HMHB1: variants seen among roughly 807,000 people sequenced by gnomAD.
The protein encoded by HMHB1 is minor histocompatibility protein HB-1.
In HMHB1, 4 loss-of-function variants were observed where a neutral mutation model predicts 2.4. The observed-to-expected ratio is 1.65, with a 90% CI of 0.81 to 3.77. HMHB1 has a LOEUF of 3.77. Among genes scored for constraint, HMHB1 ranks in the 30% most tolerant of loss-of-function variants. The pLI, the probability that HMHB1 is intolerant of heterozygous loss-of-function variation, is 0.01. For missense variants in HMHB1, 57 were observed against 44.2 expected, an observed-to-expected ratio of 1.29 and a Z score of -0.82; for synonymous variants, 22 against 17.6, an observed-to-expected ratio of 1.25 and a Z score of -0.63.
chr5:143,814,080 T>C (rs546339663), intron 1 of HMHB1, among the ~76,000 whole-genome samples: 8 of 152,340 alleles, frequency 5.3e-5, no homozygotes, highest in African/African-American at 1.9e-4. Context: ...ATTTTCCTCA[T>C]CTATCCTTGT....
chr5:143,816,459 GT>G (rs1033937344), intron 1 of HMHB1, among the ~76,000 whole-genome samples: 4 of 152,058 alleles, frequency 2.6e-5, no homozygotes, highest in African/African-American at 7.2e-5. Flanking sequence ...ATGATATTTG[GT>G]TTTCCATTCC....
chr5:143,813,521 C>G (rs1759715152), intron 1 of HMHB1, among the ~76,000 whole-genome samples: 1 of 152,180 alleles, frequency 6.6e-6, no homozygotes, highest in African/African-American at 2.4e-5. Flanking sequence ...GTTAGCTGAA[C>G]TGAAAAGTAA....
chr5:143,816,661 A>G (rs915157799), intron 1 of HMHB1, among the ~76,000 whole-genome samples: 20 of 152,200 alleles, frequency 1.3e-4, no homozygotes, highest in Non-Finnish European at 1.9e-4. Flanking sequence ...GCTGCTATAA[A>G]CATGTGTGTG....
intron 1 of HMHB1, among the ~76,000 whole-genome samples, chr5:143,814,660 A>G (rs1759728767): frequency 1.3e-5 from 2 of 152,210 alleles, no homozygotes; most frequent in Non-Finnish European, 1.5e-5. Flanking sequence ...GTAATCTTCA[A>G]TCGTCTCTAA....
intron 1 of HMHB1, among the ~76,000 whole-genome samples, chr5:143,815,700 GT>G (rs1759739856): frequency 7.9e-6 from 1 of 126,892 alleles, no homozygotes; most frequent in East Asian, 2.2e-4. Context: ...GCTAATTTTT[GT>G]ATTTTTTTTT....
At chr5:143,812,443 G>A (rs1262077803) in intron 1 of HMHB1, 139 bp downstream of exon 1, 6 of 767,732 alleles carry the variant, frequency 7.8e-6, no homozygotes, top group East Asian at 5.5e-5. Flanking sequence ...GCAGGGGAGA[G>A]GAGTGAGACG....
At position 143,820,502 on chromosome 5, in the gene HMHB1, G is replaced by C; in HGVS notation, c.60G>C (p.Ser20=). The C allele has an allele frequency of 6.2e-7, 1 of 1,612,106 alleles. No homozygotes were observed. Among genetic ancestry groups the C allele is most frequent in the Non-Finnish European group, 8.5e-7 (1 of 1,178,472 alleles). Residue 20 remains serine, a synonymous_variant, in exon 2 of 2, where the codon TCG becomes TCC. Coordinates refer to ENST00000289448, the MANE Select transcript of HMHB1 (RefSeq NM_021182.3). ...TAGGTTCTCTGCATGTTTGGAAGTC[G>C]GAATTGGTTGAAGTTGAAGATGATG... is the stretch of plus-strand genomic sequence containing the variant.
intron 1 of HMHB1, among the ~76,000 whole-genome samples, chr5:143,815,620 C>T (rs1399602290): frequency 6.6e-6 from 1 of 151,242 alleles, no homozygotes; most frequent in East Asian, 1.9e-4. Context: ...CTCCACATTT[C>T]GGGTTCAAGT....
At chr5:143,820,428 A>G (rs1466687600) in intron 1 of HMHB1, 52 bp from the exon 2 acceptor site, 16 of 1,021,984 alleles carry the variant, frequency 1.6e-5, no homozygotes, top group Middle Eastern at 2.0e-4. Flanking sequence ...AATAGAAAAT[A>G]CTGCTGAGAA....
chr5:143,819,682 A>G (rs965287912), intron 1 of HMHB1, among the ~76,000 whole-genome samples: 1 of 151,938 alleles, frequency 6.6e-6, no homozygotes, highest in Non-Finnish European at 1.5e-5. Flanking sequence ...CACAATGGCA[A>G]TACCCCATGT....
At position 143,820,586 on chromosome 5, in the gene HMHB1, G is replaced by T; in HGVS notation, c.*18G>T. 1 of 1,551,942 alleles carries T rather than the reference G, an allele frequency of 6.4e-7. No individual in the cohort carries two copies. Among genetic ancestry groups the T allele is most frequent in the South Asian group, 1.1e-5 (1 of 89,420 alleles). On this transcript the variant is annotated 3_prime_UTR_variant, in exon 2 of 2. Transcript: ENST00000289448. ...GGCTTTGACACTGCTGTTGAGGTTT[G>T]ACTCGAAGCCCAGAGTTTTGGTGTG...
intron 1 of HMHB1, among the ~76,000 whole-genome samples, chr5:143,818,725 T>G (rs1395458060): frequency 6.6e-6 from 1 of 152,216 alleles, no homozygotes; most frequent in Non-Finnish European, 1.5e-5. Flanking sequence ...ATTTTTAAAG[T>G]GTTTAGCCAG....
At chr5:143,816,936 G>A (rs1434352808) in intron 1 of HMHB1, among the ~76,000 whole-genome samples, 1 of 152,146 alleles carries the variant, frequency 6.6e-6, no homozygotes, top group Non-Finnish European at 1.5e-5. Context: ...GTTTTGATTT[G>A]CATTTCCTTG....
intron 1 of HMHB1, among the ~76,000 whole-genome samples, chr5:143,818,351 A>G (rs760674826): frequency 4.9e-4 from 74 of 152,218 alleles, no homozygotes; most frequent in Non-Finnish European, 5.3e-4. Context: ...ATCAAAGCTT[A>G]GATCTAACTC....
chr5:143,816,591 A>G (rs1759752196), intron 1 of HMHB1, among the ~76,000 whole-genome samples: 1 of 152,148 alleles, frequency 6.6e-6, no homozygotes, highest in Non-Finnish European at 1.5e-5. Flanking sequence ...CAGTTTCTTT[A>G]TCCACTCATT....
intron 1 of HMHB1, among the ~76,000 whole-genome samples, chr5:143,817,809 C>T (rs1023632062): frequency 1.3e-5 from 2 of 152,082 alleles, no homozygotes; most frequent in African/African-American, 4.8e-5. Flanking sequence ...TGGTCATTTT[C>T]ACAATATTGA....
intron 1 of HMHB1, among the ~76,000 whole-genome samples, chr5:143,818,389 TG>T (rs1292159810): frequency 1.3e-5 from 2 of 152,212 alleles, no homozygotes; most frequent in Non-Finnish European, 2.9e-5. Flanking sequence ...CTCAAAGTAC[TG>T]GATAAAGAAA....
At chr5:143,818,209 C>A (rs371682603) in intron 1 of HMHB1, among the ~76,000 whole-genome samples, 159 of 152,266 alleles carry the variant, frequency 1.0e-3, no homozygotes, top group African/African-American at 3.7e-3. Context: ...AGAAGCATAA[C>A]AAAGTGGTAA....
At chr5:143,817,685 G>A (rs1482420175) in intron 1 of HMHB1, among the ~76,000 whole-genome samples, 1 of 152,054 alleles carries the variant, frequency 6.6e-6, no homozygotes, top group Non-Finnish European at 1.5e-5. Flanking sequence ...TGGCTATGCG[G>A]GCTCTTTTTT....
Sources: gnomAD v4.1 joint callset for allele counts (sites outside exome capture counted in the v4.1 genomes callset) on GRCh38, gnomAD v4.1.1 for gene constraint, MANE v1.5 for transcripts, NCBI Gene and HGNC (gene_info 2026-07-23, HGNC 2026-07-21) for gene names.